Variants in EIF4ENIF1 observed in about 807,000 individuals in gnomAD.
EIF4ENIF1 encodes the protein eukaryotic translation initiation factor 4E nuclear import factor 1, also known as eukaryotic translation initiation factor 4E transporter.
EIF4ENIF1 carries 23 observed loss-of-function variants against 110.5 expected under a neutral mutation model. The observed-to-expected ratio is 0.21, with a 90% CI of 0.15 to 0.29. EIF4ENIF1 has a LOEUF of 0.29. EIF4ENIF1 is among the 10% of genes least tolerant of loss of function. The pLI, the probability that EIF4ENIF1 is intolerant of heterozygous loss-of-function variation, is 1.00. For synonymous variants in EIF4ENIF1, 440 were observed against 437.0 expected (o/e 1.01, Z -0.09); for missense variants, 1,031 against 1,221.1 (o/e 0.84, Z 2.32).
intron 14 of EIF4ENIF1, among the ~76,000 whole-genome samples, chr22:31,445,061 C>T (rs1253263521): frequency 6.6e-6 from 1 of 152,156 alleles, no homozygotes; most frequent in African/African-American, 2.4e-5. Context: ...CCATTGGGTG[C>T]GATCAAGAAG....
chr22:31,449,227 C>G, intron 12 of EIF4ENIF1, 121 bp downstream of exon 12: 1 of 1,020,414 alleles, frequency 9.8e-7, no homozygotes, highest in South Asian at 1.6e-5. Context: ...CCAGGCTGGT[C>G]TCAAACTTCT....
At chr22:31,450,825 TACAC>T (rs752997905) in intron 10 of EIF4ENIF1, 132 of 101,024 alleles carry the variant, frequency 1.3e-3, no homozygotes, top group African/African-American at 4.2e-3. Flanking sequence ...CACACATACA[TACAC>T]ACATATATAT....
intron 17 of EIF4ENIF1, 149 bp from the exon 18 acceptor site, chr22:31,441,017 G>GA (rs2050277330): frequency 1.8e-6 from 2 of 1,100,154 alleles, no homozygotes; most frequent in African/African-American, 3.2e-5. Context: ...AGCACTTTGG[G>GA]AGGCCAAAGC....
intron 2 of EIF4ENIF1, among the ~76,000 whole-genome samples, chr22:31,480,685 GC>G (rs1271246245): frequency 2.6e-5 from 4 of 152,128 alleles, no homozygotes; most frequent in African/African-American, 7.2e-5. Flanking sequence ...AACCCGGGAG[GC>G]AGAGGTTGTG....
At chr22:31,456,452 T>C (rs1482124711) in intron 7 of EIF4ENIF1, among the ~76,000 whole-genome samples, 3 of 152,212 alleles carry the variant, frequency 2.0e-5, no homozygotes, top group Admixed American at 2.0e-4. Flanking sequence ...CTCGATCTCC[T>C]GACCTTGTGA....
At chr22:31,454,996 T>G in intron 9 of EIF4ENIF1, 140 bp downstream of exon 9, 1 of 676,286 alleles carries the variant, frequency 1.5e-6, no homozygotes, top group Non-Finnish European at 2.3e-6. Flanking sequence ...ATGAAATGAG[T>G]TTTTAAAAAA....
intron 8 of EIF4ENIF1, among the ~76,000 whole-genome samples, chr22:31,455,633 TG>T (rs562547368): frequency 1.3e-5 from 2 of 152,196 alleles, no homozygotes; most frequent in Admixed American, 1.3e-4. Flanking sequence ...CTCCTAACCT[TG>T]TGATCTGCCT....
intron 15 of EIF4ENIF1, 33 bp from the exon 16 acceptor site, chr22:31,443,127 C>G: frequency 6.2e-7 from 1 of 1,609,262 alleles, no homozygotes; most frequent in Non-Finnish European, 8.5e-7. Context: ...TTAGCACATT[C>G]TCTAAGTGCC....
intron 2 of EIF4ENIF1, among the ~76,000 whole-genome samples, chr22:31,485,852 A>C (rs2051998183): frequency 6.6e-6 from 1 of 152,032 alleles, no homozygotes; most frequent in Non-Finnish European, 1.5e-5. Flanking sequence ...TCGGTGGCTC[A>C]CACCTATAAT....
Position 31,447,513 on chromosome 22 carries a change from T to C in EIF4ENIF1, c.1901A>G (p.His634Arg), listed in dbSNP as rs765369817. 1 of 1,613,034 alleles carries C rather than the reference T, an allele frequency of 6.2e-7. No individual in the cohort carries two copies. Among genetic ancestry groups the C allele is most frequent in the East Asian group, 2.2e-5 (1 of 44,818 alleles). Residue 634 changes from histidine to arginine, a missense_variant, in exon 14 of 19, where the codon CAT (histidine) becomes CGT (arginine). This residue lies in a region of EIF4ENIF1 where 704 missense variants were observed against 879.7 expected (regional missense o/e 0.80). Coordinates refer to ENST00000330125, the MANE Select transcript of EIF4ENIF1 (RefSeq NM_019843.4). ...GTTTGCTGCCTGTACAGCAAGGTCA[T>C]GTGGCAAGGCCAGCCCTTCTAAAGC... ...QAALEGLALP[H>R]DLAVQAANFY...
intron 16 of EIF4ENIF1, 35 bp downstream of exon 16, chr22:31,442,926 CT>C (rs1569063556): frequency 6.2e-7 from 1 of 1,608,372 alleles, no homozygotes; most frequent in East Asian, 2.2e-5. Flanking sequence ...CCATCACATA[CT>C]TTCTTGAGCA....
At chr22:31,453,448 C>T in intron 10 of EIF4ENIF1, 1 of 296,596 alleles carries the variant, frequency 3.4e-6, no homozygotes, top group Non-Finnish European at 6.8e-6. Context: ...GACCTCGGCT[C>T]ACTGCAACTT....
chr22:31,480,561 C>T (rs1361297934), intron 2 of EIF4ENIF1, among the ~76,000 whole-genome samples: 1 of 152,036 alleles, frequency 6.6e-6, no homozygotes, highest in African/African-American at 2.4e-5. Context: ...AGTTTGAGAC[C>T]AGCCTAACAT....
chr22:31,440,482 G>C (rs1601547570), intron 18 of EIF4ENIF1, among the ~76,000 whole-genome samples: 1 of 152,220 alleles, frequency 6.6e-6, no homozygotes, highest in Admixed American at 6.5e-5. Flanking sequence ...AAAGGAAAAA[G>C]CCAGAAAACA....
At chr22:31,456,475 G>C (rs1004449184) in intron 7 of EIF4ENIF1, among the ~76,000 whole-genome samples, 3 of 151,658 alleles carry the variant, frequency 2.0e-5, no homozygotes, top group African/African-American at 7.3e-5. Flanking sequence ...CGCCCGCCTT[G>C]GCCTCCCAAA....
Position 31,454,336 on chromosome 22 carries a change from T to C in EIF4ENIF1, c.1320A>G (p.Ala440=), listed in dbSNP as rs140939357. ...GVVLSVEEVE[A]GLKGLKVDQQ... ...GGTCAACCTTCAAGCCCTTCAGACC[T>C]GCTTCTACCTCCTCCACTGAAAGCA... Residue 440 remains alanine (A), a synonymous_variant, in exon 10 of 19, where the codon GCA becomes GCG. Transcript: ENST00000330125. 1.5e-4 allele frequency: 245 copies of C among 1,614,084 alleles called. No homozygotes were observed. The highest frequency in any genetic ancestry group is 1.8e-4 in the Non-Finnish European group (210 of 1,180,036).
At chr22:31,477,034 A>G (rs2051600913) in intron 2 of EIF4ENIF1, among the ~76,000 whole-genome samples, 1 of 150,384 alleles carries the variant, frequency 6.6e-6, no homozygotes, top group East Asian at 1.9e-4. Context: ...TGTCCAGGCG[A>G]CTTGGTTGAG....
At chr22:31,457,219 C>A (rs949536792) in intron 7 of EIF4ENIF1, among the ~76,000 whole-genome samples, 7 of 152,076 alleles carry the variant, frequency 4.6e-5, no homozygotes, top group Non-Finnish European at 8.8e-5. Flanking sequence ...TTTCTGTTTC[C>A]AAATCCAACC....
At position 31,449,381 on chromosome 22, in the gene EIF4ENIF1, C is replaced by T; in HGVS notation, c.1735G>A (p.Asp579Asn). ...GATGGTATTCTTGGGCGAAGGTAGTCAGCTGAGGCTGCTCGAGTTTGAAAC... is the reference window on the plus strand; with the variant it reads ...GATGGTATTCTTGGGCGAAGGTAGTTAGCTGAGGCTGCTCGAGTTTGAAAC... ...QVFQTRAASA[D>N]YLRPRIPSPI... Residue 579 changes from aspartate to asparagine, a missense_variant, in exon 12 of 19, where the codon GAC becomes AAC. By Grantham distance (23) the Asp-to-Asn change is conservative (BLOSUM62 1). Around this residue, in one of 3 missense-constraint regions of EIF4ENIF1, gnomAD observed 704 missense variants for 879.7 expected, o/e 0.80. Coordinates refer to ENST00000330125, the MANE Select transcript of EIF4ENIF1 (RefSeq NM_019843.4). 2 of 1,613,822 alleles carry T rather than the reference C, an allele frequency of 1.2e-6. No individual in the cohort carries two copies. The highest frequency in any genetic ancestry group is 1.7e-6 in the Non-Finnish European group (2 of 1,179,934).
Sources: allele counts gnomAD v4.1 joint callset (sites outside exome capture counted in the v4.1 genomes callset), GRCh38; gene constraint gnomAD v4.1.1; regional missense constraint gnomAD v4.1.1; transcripts MANE v1.5; gene names NCBI Gene and HGNC (gene_info 2026-07-23, HGNC 2026-07-21).